The following ANKS1A variants were observed in gnomAD, a reference collection of about 807,000 sequenced individuals.
The protein encoded by ANKS1A is ankyrin repeat and sterile alpha motif domain containing 1A.
In ANKS1A, 55 loss-of-function variants were observed where a neutral mutation model predicts 120.3. The observed-to-expected ratio is 0.46, with a 90% confidence interval of 0.37 to 0.57. The LOEUF (loss-of-function observed/expected upper bound fraction) is 0.57, where lower values mean the gene tolerates loss of function less well. ANKS1A is among the 20% of genes least tolerant of loss of function. ANKS1A has a pLI of 0.00. For synonymous variants in ANKS1A, 590 were observed against 604.7 expected, an observed-to-expected ratio of 0.98 and a Z score of 0.36; for missense variants, 1,123 against 1,480.3, an observed-to-expected ratio of 0.76 and a Z score of 3.96.
intron 13 of ANKS1A, among the ~76,000 whole-genome samples, chr6:35,068,894 G>C (rs138218428): frequency 6.6e-6 from 1 of 152,180 alleles, no homozygotes; most frequent in Admixed American, 6.5e-5. Flanking sequence ...CGAGTGTAAA[G>C]TCTGGAGCTA....
At chr6:35,029,846 C>G (rs908006078) in intron 11 of ANKS1A, among the ~76,000 whole-genome samples, 3 of 148,818 alleles carry the variant, frequency 2.0e-5, no homozygotes, top group Non-Finnish European at 4.4e-5. Context: ...TATATAGTTA[C>G]ATATTCTATA....
At chr6:35,015,268 A>G (rs1368263486) in intron 10 of ANKS1A, among the ~76,000 whole-genome samples, 1 of 152,220 alleles carries the variant, frequency 6.6e-6, no homozygotes, top group Non-Finnish European at 1.5e-5. Context: ...AGGCCAAGGC[A>G]GGCAGATCAC....
Position 35,090,472 on chromosome 6 carries a change from A to G in ANKS1A, c.*1863A>G. 2 of 1,157,570 alleles carry G rather than the reference A, an allele frequency of 1.7e-6. No individual in the cohort carries two copies. Among genetic ancestry groups the G allele is most frequent in the South Asian group, 3.6e-5 (2 of 55,636 alleles). 71.7% of individuals were successfully genotyped at this position (1,157,570 alleles called of 1,614,324 possible). A position where few individuals can be genotyped will look rare whatever the true frequency, so the allele number is the denominator to read the frequency against. On this transcript the variant is annotated 3_prime_UTR_variant, in exon 24 of 24. Coordinates refer to ENST00000360359, the MANE Select transcript of ANKS1A (RefSeq NM_015245.3). Reference sequence around the variant, plus strand: ...TCCTCAAGCTGTCTTTTGTGCTTAGATCATCCATAGGTGTTTCTTCTGCTT... The same window carrying G: ...TCCTCAAGCTGTCTTTTGTGCTTAGGTCATCCATAGGTGTTTCTTCTGCTT...
In ANKS1A at chr6:34,983,439, C is replaced by A; in HGVS notation, c.1012+14C>A. On this transcript the variant is annotated intron_variant, in intron 7 of 23. Transcript: ENST00000360359. ...AGAAGTCTCAGGGTAAGGTAACTCT[C>A]CCCTATGAGTAAAGGGGTGCTCAGC... 6.3e-7 allele frequency: 1 copy of A among 1,597,768 alleles called. No individual in the cohort carries two copies. The highest frequency in any genetic ancestry group is 1.1e-5 in the South Asian group (1 of 89,322).
intron 3 of ANKS1A, among the ~76,000 whole-genome samples, chr6:34,978,754 G>A (rs1478418433): frequency 2.9e-5 from 4 of 140,036 alleles, no homozygotes; most frequent in South Asian, 2.3e-4. Flanking sequence ...GCGGTGAGCC[G>A]AGATCATGCC....
chr6:34,944,205 G>T (rs1026471987), intron 1 of ANKS1A, among the ~76,000 whole-genome samples: 1 of 152,110 alleles, frequency 6.6e-6, no homozygotes, highest in Non-Finnish European at 1.5e-5. Context: ...GTAAACCTGG[G>T]AGGCGGAGCT....
chr6:35,038,141 A>G, intron 11 of ANKS1A: 1 of 455,064 alleles, frequency 2.2e-6, no homozygotes, highest in South Asian at 1.6e-5. Flanking sequence ...CTTTCCTCTA[A>G]CTCCAACCCG....
chr6:34,891,465 T>G (rs1461974195), intron 1 of ANKS1A, among the ~76,000 whole-genome samples: 1 of 152,258 alleles, frequency 6.6e-6, no homozygotes, highest in East Asian at 1.9e-4. Context: ...TCTGCAGTTC[T>G]GATGTCTGAG....
chr6:34,975,321 G>A (rs1421435790), intron 3 of ANKS1A, among the ~76,000 whole-genome samples: 2 of 151,966 alleles, frequency 1.3e-5, no homozygotes, highest in Non-Finnish European at 2.9e-5. Context: ...GGATGTGGTG[G>A]CATGTGCCTA....
At chr6:34,978,461 C>T (rs1470128507) in intron 3 of ANKS1A, among the ~76,000 whole-genome samples, 1 of 152,158 alleles carries the variant, frequency 6.6e-6, no homozygotes, top group Non-Finnish European at 1.5e-5. Context: ...CTGTGCTGCT[C>T]CTTAGAATCC....
chr6:34,918,659 T>G (rs9380470), intron 1 of ANKS1A, among the ~76,000 whole-genome samples: 17,736 of 152,170 alleles, frequency 0.12, 1,542 homozygotes, highest in African/African-American at 0.23. Context: ...AAGATCTCCT[T>G]AAGGATGGCT....
chr6:34,890,792 T>C (rs1766779431), intron 1 of ANKS1A, among the ~76,000 whole-genome samples: 1 of 152,192 alleles, frequency 6.6e-6, no homozygotes, highest in Non-Finnish European at 1.5e-5. Context: ...TTTTAAGAAG[T>C]GGAAGTTCAT....
intron 7 of ANKS1A, among the ~76,000 whole-genome samples, chr6:34,984,638 CAGGCCA>C (rs1772087425): frequency 6.6e-6 from 1 of 152,200 alleles, no homozygotes; most frequent in Non-Finnish European, 1.5e-5. Context: ...AGTTATCTAA[CAGGCCA>C]AGCTAACAGC....
At chr6:35,076,220 G>A (rs866847818) in intron 13 of ANKS1A, among the ~76,000 whole-genome samples, 5 of 152,106 alleles carry the variant, frequency 3.3e-5, no homozygotes, top group South Asian at 2.1e-4. Flanking sequence ...TCAGGAGATC[G>A]AGACCATCCT....
chr6:34,985,959 A>G (rs567602620), intron 8 of ANKS1A, among the ~76,000 whole-genome samples: 2 of 152,348 alleles, frequency 1.3e-5, no homozygotes, highest in African/African-American at 4.8e-5. Context: ...CGATAAAGCC[A>G]TTGTAAGTTG....
chr6:34,921,645 G>C (rs921717055), intron 1 of ANKS1A, among the ~76,000 whole-genome samples: 1 of 152,164 alleles, frequency 6.6e-6, no homozygotes, highest in Non-Finnish European at 1.5e-5. Context: ...CTGGTTTGTC[G>C]TTAGTCTCTC....
At chr6:35,087,326 A>C (rs1185096539) in intron 23 of ANKS1A, among the ~76,000 whole-genome samples, 1 of 152,160 alleles carries the variant, frequency 6.6e-6, no homozygotes, top group Non-Finnish European at 1.5e-5. Flanking sequence ...GGGCATCAAG[A>C]GGGCTCAGGG....
chr6:34,984,429 G>GTCCT (rs1271953903), intron 7 of ANKS1A, among the ~76,000 whole-genome samples: 1 of 152,206 alleles, frequency 6.6e-6, no homozygotes, highest in Non-Finnish European at 1.5e-5. Context: ...GAACTGTGGA[G>GTCCT]TCCTTGTCTT....
chr6:35,021,913 G>A (rs1774361962), intron 11 of ANKS1A, among the ~76,000 whole-genome samples: 1 of 151,948 alleles, frequency 6.6e-6, no homozygotes, highest in South Asian at 2.1e-4. Context: ...TTGAACCCAG[G>A]AGGCGGAGGT....
Sources: gnomAD v4.1 joint callset for allele counts (sites outside exome capture counted in the v4.1 genomes callset) on GRCh38, gnomAD v4.1.1 for gene constraint, MANE v1.5 for transcripts, NCBI Gene and HGNC (gene_info 2026-07-23, HGNC 2026-07-21) for gene names.